The following ZNF804B variants were observed in gnomAD, a reference collection of about 807,000 sequenced individuals.
ZNF804B encodes zinc finger 804B.
A neutral mutation model predicts 101.4 loss-of-function variants in ZNF804B; 80 were observed. That is an observed-to-expected ratio of 0.79 (90% CI 0.66 to 0.95). The LOEUF (loss-of-function observed/expected upper bound fraction) is 0.95, where lower values mean the gene tolerates loss of function less well. Among genes scored for constraint, ZNF804B ranks in the 40% least tolerant of loss-of-function variants. The pLI, the probability that ZNF804B is intolerant of heterozygous loss-of-function variation, is 0.00. For missense variants in ZNF804B, 1,673 were observed against 1,561.9 expected (o/e 1.07, Z -1.20); for synonymous variants, 622 against 558.8 (o/e 1.11, Z -1.59).
intron 1 of ZNF804B, among the ~76,000 whole-genome samples, chr7:88,843,030 A>G (rs1287861890): frequency 6.6e-6 from 1 of 152,222 alleles, no homozygotes; most frequent in Non-Finnish European, 1.5e-5. Context: ...TTTAATAAAT[A>G]ATTTGACACA....
At chr7:88,933,499 G>C (rs918390368) in intron 1 of ZNF804B, among the ~76,000 whole-genome samples, 1 of 151,866 alleles carries the variant, frequency 6.6e-6, no homozygotes, top group Non-Finnish European at 1.5e-5. Context: ...AAATGAAACT[G>C]TCGCTAATCA....
intron 2 of ZNF804B, among the ~76,000 whole-genome samples, chr7:89,314,136 A>C (rs1008378034): frequency 6.6e-6 from 1 of 152,178 alleles, no homozygotes; most frequent in Admixed American, 6.5e-5. Flanking sequence ...CTGATAACAA[A>C]TCACATTTTA....
chr7:88,951,452 ACACATGCGCGTGCGCACG>A (rs1793219282), intron 1 of ZNF804B, among the ~76,000 whole-genome samples: 1 of 151,862 alleles, frequency 6.6e-6, no homozygotes, highest in South Asian at 2.1e-4. Flanking sequence ...GTACATACAC[ACACATGCGCGTGCGCACG>A]CGCACGCACA....
chr7:89,213,913 C>T (rs1788844037), intron 1 of ZNF804B, among the ~76,000 whole-genome samples: 3 of 152,156 alleles, frequency 2.0e-5, no homozygotes, highest in African/African-American at 7.2e-5. Flanking sequence ...CAATGTAGTT[C>T]ATGAGGAGTT....
chr7:89,077,380 T>G (rs902187940), intron 1 of ZNF804B, among the ~76,000 whole-genome samples: 14 of 152,316 alleles, frequency 9.2e-5, no homozygotes, highest in African/African-American at 2.9e-4. Flanking sequence ...ATGTTTCTGA[T>G]AGCTGTAAGA....
intron 2 of ZNF804B, among the ~76,000 whole-genome samples, chr7:89,245,328 A>C (rs193281586): frequency 5.6e-4 from 85 of 152,332 alleles, no homozygotes; most frequent in Admixed American, 9.8e-4. Flanking sequence ...GGCCTAAAAA[A>C]TAGACTTGAA....
At chr7:88,948,783 G>T (rs1435475083) in intron 1 of ZNF804B, among the ~76,000 whole-genome samples, 2 of 151,902 alleles carry the variant, frequency 1.3e-5, no homozygotes. Flanking sequence ...AGGAGAGGTG[G>T]TTTTTGTTGT....
chr7:89,059,545 A>T (rs940313578), intron 1 of ZNF804B, among the ~76,000 whole-genome samples: 1 of 152,160 alleles, frequency 6.6e-6, no homozygotes, highest in Non-Finnish European at 1.5e-5. Context: ...GCCATTCATG[A>T]GGGATTCACC....
At position 88,896,956 on chromosome 7, in the gene ZNF804B, A is replaced by C. The variant is rs1792298737; in HGVS notation, c.108+136872A>C. 2.0e-5 allele frequency among the ~76,000 whole-genome samples: 3 copies of C among 152,256 alleles called. 1 individual carries two copies. The highest frequency in any genetic ancestry group is 2.0e-4 in the Admixed American group (3 of 15,290). On this transcript the variant is annotated intron_variant, in intron 1 of 3. Transcript: ENST00000333190. ...ATAGCTATAATTCATGCCTATTATG[A>C]GTTAATCACAAGTTGACTGCCTTCC...
chr7:89,239,358 T>A (rs976605923), intron 2 of ZNF804B, among the ~76,000 whole-genome samples: 1 of 152,154 alleles, frequency 6.6e-6, no homozygotes, highest in Non-Finnish European at 1.5e-5. Flanking sequence ...ATTGGCAATA[T>A]GCCTTGAGAG....
At chr7:89,171,301 C>T (rs1174028882) in intron 1 of ZNF804B, among the ~76,000 whole-genome samples, 2 of 92,356 alleles carry the variant, frequency 2.2e-5, no homozygotes, top group African/African-American at 8.2e-5. Flanking sequence ...TCTTCTTCTT[C>T]TTCTTCTTCT....
At position 89,254,654 on chromosome 7, in the gene ZNF804B, T is replaced by TTTA. The variant is rs1232467280; in HGVS notation, c.249+36361_249+36362insATT. Among the ~76,000 whole-genome samples the TTTA allele has an allele frequency of 3.8e-3, 555 of 144,788 alleles. 3 individuals are homozygous for TTTA. The highest frequency in any genetic ancestry group is 0.014 in the African/African-American group (532 of 39,192). 95.0% of individuals were successfully genotyped at this position (144,788 alleles called of 152,430 possible). A position where few individuals can be genotyped will look rare whatever the true frequency, so the allele number is the denominator to read the frequency against. On this transcript the variant is annotated intron_variant, in intron 2 of 3. Transcript: ENST00000333190. ...TATTTTTATTTTTATTTTTATTATT[T>TTTA]TTTTTTTTTGAGTCAGAATCTCACT...
chr7:88,862,625 G>A (rs1377721788), intron 1 of ZNF804B, among the ~76,000 whole-genome samples: 4 of 152,050 alleles, frequency 2.6e-5, no homozygotes, highest in South Asian at 2.1e-4. Context: ...TATGAAATAC[G>A]TGATCACTAT....
chr7:88,830,576 T>G (rs542220712), intron 1 of ZNF804B, among the ~76,000 whole-genome samples: 8 of 152,148 alleles, frequency 5.3e-5, no homozygotes, highest in African/African-American at 1.9e-4. Context: ...TCATATAAAA[T>G]TTGTAAAAAT....
chr7:89,171,551 C>T (rs1475611760), intron 1 of ZNF804B, among the ~76,000 whole-genome samples: 1 of 152,014 alleles, frequency 6.6e-6, no homozygotes, highest in Non-Finnish European at 1.5e-5. Flanking sequence ...TCTTCTGCCT[C>T]AGCCTCCGGA....
intron 1 of ZNF804B, among the ~76,000 whole-genome samples, chr7:88,931,714 A>G (rs1269628876): frequency 6.6e-6 from 1 of 151,842 alleles, no homozygotes; most frequent in East Asian, 1.9e-4. Flanking sequence ...GATCTTGCTT[A>G]TCATTGTATT....
intron 1 of ZNF804B, among the ~76,000 whole-genome samples, chr7:89,120,398 G>C (rs1318001717): frequency 3.9e-5 from 6 of 151,930 alleles, no homozygotes; most frequent in Non-Finnish European, 5.9e-5. Flanking sequence ...TGGCTCACGC[G>C]TGTAATCCCA....
chr7:89,168,626 G>C (rs1269479261), intron 1 of ZNF804B, among the ~76,000 whole-genome samples: 2 of 150,184 alleles, frequency 1.3e-5, no homozygotes, highest in East Asian at 3.9e-4. Flanking sequence ...GATACACACA[G>C]AGCTAACCAT....
Position 89,046,408 on chromosome 7 carries a change from G to A in ZNF804B, c.109-171747G>A, listed in dbSNP as rs193092833. 2.3e-3 allele frequency among the ~76,000 whole-genome samples: 349 copies of A among 152,230 alleles called. 2 individuals are homozygous for A. Among genetic ancestry groups the A allele is most frequent in the Middle Eastern group, 0.014 (4 of 294 alleles). On this transcript the variant is annotated intron_variant, in intron 1 of 3. Transcript: ENST00000333190. Reference sequence around the variant, plus strand: ...TGGGACCATTTGTGTCTTTTGATAAGTTTATTCTTTCTGTATTTCAAAATG... The same window carrying A: ...TGGGACCATTTGTGTCTTTTGATAAATTTATTCTTTCTGTATTTCAAAATG...
Sources: allele counts gnomAD v4.1 joint callset (sites outside exome capture counted in the v4.1 genomes callset), GRCh38; gene constraint gnomAD v4.1.1; transcripts MANE v1.5; gene names NCBI Gene and HGNC (gene_info 2026-07-23, HGNC 2026-07-21).